Variants in LPP observed in about 807,000 individuals in gnomAD.
LPP encodes the protein lipoma-preferred partner.
Under a neutral mutation model 60.4 loss-of-function variants are expected in LPP, and 38 were observed. The observed-to-expected ratio is 0.63, with a 90% confidence interval of 0.49 to 0.83. LPP has a LOEUF of 0.83. Ranked by LOEUF, LPP falls within the 40% of genes least tolerant of loss-of-function variation. LPP has a pLI of 0.00. For synonymous variants in LPP, 328 were observed against 290.8 expected (o/e 1.13, Z -1.30); for missense variants, 902 against 783.6 (o/e 1.15, Z -1.80).
chr3:188,263,593 C>A (rs895513525), intron 2 of LPP, among the ~76,000 whole-genome samples: 1 of 152,202 alleles, frequency 6.6e-6, no homozygotes, highest in Non-Finnish European at 1.5e-5. Flanking sequence ...GGTTGCTGCA[C>A]CTCCCTGCTC....
intron 8 of LPP, among the ~76,000 whole-genome samples, chr3:188,720,651 A>G (rs1357935328): frequency 2.6e-5 from 4 of 151,742 alleles, no homozygotes; most frequent in African/African-American, 7.3e-5. Flanking sequence ...GGTCCAAGTT[A>G]ATGACCTTAT....
At chr3:188,502,661 G>T (rs1812252323) in intron 5 of LPP, among the ~76,000 whole-genome samples, 2 of 152,126 alleles carry the variant, frequency 1.3e-5, no homozygotes, top group South Asian at 4.1e-4. Context: ...TCCTTAAGTT[G>T]TGATGGGGTT....
chr3:188,241,260 T>C (rs1724664075), intron 2 of LPP, among the ~76,000 whole-genome samples: 1 of 152,314 alleles, frequency 6.6e-6, no homozygotes, highest in African/African-American at 2.4e-5. Flanking sequence ...CTGTTTGCCC[T>C]GAAGTACATG....
intron 4 of LPP, among the ~76,000 whole-genome samples, chr3:188,477,704 T>C (rs1464237368): frequency 2.0e-5 from 3 of 152,164 alleles, no homozygotes; most frequent in Non-Finnish European, 4.4e-5. Flanking sequence ...TAATGACAGG[T>C]TAAGAATTTG....
chr3:188,786,564 T>C (rs1741997494), intron 9 of LPP, among the ~76,000 whole-genome samples: 1 of 152,064 alleles, frequency 6.6e-6, no homozygotes, highest in African/African-American at 2.4e-5. Flanking sequence ...GACCCAGCAG[T>C]TGCACTCCTG....
At chr3:188,801,379 T>C (rs188625192) in intron 9 of LPP, among the ~76,000 whole-genome samples, 2 of 152,334 alleles carry the variant, frequency 1.3e-5, no homozygotes, top group Non-Finnish European at 2.9e-5. Context: ...TATTTTATTA[T>C]TTATAATAGC....
intron 8 of LPP, among the ~76,000 whole-genome samples, chr3:188,743,363 G>A (rs1725088610): frequency 6.6e-6 from 1 of 151,962 alleles, no homozygotes; most frequent in Non-Finnish European, 1.5e-5. Context: ...ACGAAATTGA[G>A]GCCAGGTTCC....
chr3:188,533,953 A>G (rs1158497826), intron 6 of LPP, among the ~76,000 whole-genome samples: 1 of 152,220 alleles, frequency 6.6e-6, no homozygotes, highest in East Asian at 1.9e-4. Flanking sequence ...AGCATAATCA[A>G]CGTTAGCTTT....
chr3:188,179,771 C>T (rs1264141170), intron 1 of LPP: 1 of 318,734 alleles, frequency 3.1e-6, no homozygotes, highest in South Asian at 2.5e-5. Context: ...CTTCCCCTCT[C>T]CCCCTGAGTG....
chr3:188,855,503 T>C lies in LPP; in HGVS notation c.1411-10697T>C, dbSNP rs377625726. Among the ~76,000 whole-genome samples, 5 of 152,062 alleles carry C rather than the reference T, an allele frequency of 3.3e-5. No individual in the cohort carries two copies. In the East Asian group the frequency reaches 5.8e-4, roughly 18 times the overall value. Reference sequence around the variant, plus strand: ...TCTGGAGAGGGGGCTGCTGAAATAGTGTGGTGATGCAGGCCATCTGAGGAT... The same window carrying C: ...TCTGGAGAGGGGGCTGCTGAAATAGCGTGGTGATGCAGGCCATCTGAGGAT... On this transcript the variant is annotated intron_variant, in intron 9 of 11. Coordinates refer to ENST00000617246, the MANE Select transcript of LPP (RefSeq NM_001375462.1).
chr3:188,708,052 T>A (rs1865832010), intron 7 of LPP, among the ~76,000 whole-genome samples: 1 of 152,234 alleles, frequency 6.6e-6, no homozygotes, highest in African/African-American at 2.4e-5. Context: ...TTCTAAAGCC[T>A]GATAGATGAC....
At chr3:188,599,756 G>GTGTT (rs1840726363) in intron 6 of LPP, among the ~76,000 whole-genome samples, 1 of 144,376 alleles carries the variant, frequency 6.9e-6, no homozygotes, top group Non-Finnish European at 1.5e-5. Flanking sequence ...TTAGGGGTGT[G>GTGTT]TGTGTGTGTG....
chr3:188,490,215 T>C (rs73194409), intron 5 of LPP, among the ~76,000 whole-genome samples: 2,079 of 152,242 alleles, frequency 0.014, 26 homozygotes, highest in Non-Finnish European at 0.021. Flanking sequence ...TACTGAAAGA[T>C]GTTACTTTTC....
chr3:188,699,801 A>C (rs747821362), intron 7 of LPP, among the ~76,000 whole-genome samples: 1 of 152,118 alleles, frequency 6.6e-6, no homozygotes, highest in Non-Finnish European at 1.5e-5. Flanking sequence ...TATCCAGCAA[A>C]TCATCTGCCC....
At chr3:188,811,586 G>T (rs1207740915) in intron 9 of LPP, among the ~76,000 whole-genome samples, 2 of 152,056 alleles carry the variant, frequency 1.3e-5, no homozygotes, top group African/African-American at 4.8e-5. Context: ...GGATATCCAG[G>T]TCTTTTGCAC....
At chr3:188,191,082 T>C (rs1728040416) in intron 1 of LPP, among the ~76,000 whole-genome samples, 1 of 152,038 alleles carries the variant, frequency 6.6e-6, no homozygotes, top group Admixed American at 6.6e-5. Context: ...ATACAAAAAT[T>C]AGCTGGGAGT....
At chr3:188,257,998 A>G (rs1732231380) in intron 2 of LPP, among the ~76,000 whole-genome samples, 1 of 152,226 alleles carries the variant, frequency 6.6e-6, no homozygotes, top group Non-Finnish European at 1.5e-5. Flanking sequence ...TACAGTGATA[A>G]GTAAAACCAG....
chr3:188,496,599 G>C (rs1810304467), intron 5 of LPP, among the ~76,000 whole-genome samples: 1 of 152,194 alleles, frequency 6.6e-6, no homozygotes, highest in Non-Finnish European at 1.5e-5. Flanking sequence ...GTCCCAGGCA[G>C]GGATGAAGCT....
At chr3:188,177,833 G>T (rs1723525308) in intron 1 of LPP, among the ~76,000 whole-genome samples, 1 of 152,186 alleles carries the variant, frequency 6.6e-6, no homozygotes, top group African/African-American at 2.4e-5. Context: ...GCTGCCCTGA[G>T]GACTCTGGGA....
Sources: gnomAD v4.1 joint callset for allele counts (sites outside exome capture counted in the v4.1 genomes callset) on GRCh38, gnomAD v4.1.1 for gene constraint, MANE v1.5 for transcripts, NCBI Gene and HGNC (gene_info 2026-07-23, HGNC 2026-07-21) for gene names.